ZNF329: variants seen among roughly 807,000 people sequenced by gnomAD.
ZNF329 encodes the protein zinc finger protein 329.
A neutral mutation model predicts 26.6 loss-of-function variants in ZNF329; 15 were observed. That is an observed-to-expected ratio of 0.56 (90% CI 0.38 to 0.87). ZNF329 has a LOEUF of 0.87. Among genes scored for constraint, ZNF329 ranks in the 40% least tolerant of loss-of-function variants. The probability of loss-of-function intolerance (pLI) is 0.00; values close to 1 mark genes in which losing one functional copy is unlikely to be tolerated. For synonymous variants in ZNF329, 239 were observed against 233.5 expected, an observed-to-expected ratio of 1.02 and a Z score of -0.21; for missense variants, 651 against 651.9, an observed-to-expected ratio of 1.00 and a Z score of 0.02.
Position 58,142,532 on chromosome 19 carries a change from T to C in ZNF329, c.-9+25A>G, listed in dbSNP as rs547538247. On this transcript the variant is annotated intron_variant, in intron 3 of 3. Transcript: ENST00000598312. ...CTTGCAGGGATGTGCTGAGCTCATG[T>C]AGACTTCCATTCCCTGGTACTCACC... 3.3e-5 allele frequency: 5 copies of C among 152,772 alleles called. No homozygotes were observed. The South Asian group carries it at 6.2e-4, about 19-fold the overall frequency. 9.5% of individuals were successfully genotyped at this position (152,772 alleles called of 1,614,324 possible).
chr19:58,140,739 G>T (rs2075167004), intron 3 of ZNF329, among the ~76,000 whole-genome samples: 1 of 151,872 alleles, frequency 6.6e-6, no homozygotes, highest in Non-Finnish European at 1.5e-5. Flanking sequence ...AAGAGACAGG[G>T]TCTCACTCTC....
At chr19:58,142,251 T>C (rs1428146880) in intron 3 of ZNF329, among the ~76,000 whole-genome samples, 2 of 152,154 alleles carry the variant, frequency 1.3e-5, no homozygotes, top group Non-Finnish European at 2.9e-5. Flanking sequence ...CTGCTAATGG[T>C]ATGGGTTTTC....
chr19:58,144,333 C>T (rs569072373), intron 1 of ZNF329, among the ~76,000 whole-genome samples: 13 of 144,876 alleles, frequency 9.0e-5, no homozygotes, highest in South Asian at 2.1e-4. Flanking sequence ...TGCCACCACA[C>T]GCAGCTAATT....
At chr19:58,153,161 G>C (rs1490301616), upstream of ZNF329, among the ~76,000 whole-genome samples, 2 of 152,106 alleles carry the variant, frequency 1.3e-5, no homozygotes, top group Admixed American at 1.3e-4. Context: ...CCAGGCTGGA[G>C]TGCAGTGACA....
At chr19:58,140,706 G>A (rs2075166105) in intron 3 of ZNF329, among the ~76,000 whole-genome samples, 1 of 151,226 alleles carries the variant, frequency 6.6e-6, no homozygotes, top group East Asian at 2.0e-4. Flanking sequence ...TGACCACCGC[G>A]CCCAGCCCTT....
In ZNF329 at chr19:58,127,137, T is replaced by A. The variant is rs1225119562; in HGVS notation, c.*741A>T. The A allele has an allele frequency of 1.3e-5, 2 of 152,216 alleles. No homozygotes were observed. Among genetic ancestry groups the A allele is most frequent in the African/African-American group, 4.8e-5 (2 of 41,444 alleles). The allele number at this position is 152,216 out of a possible 1,614,324, so 9.4% of individuals were successfully genotyped here. On this transcript the variant is annotated 3_prime_UTR_variant, in exon 4 of 4. Transcript: ENST00000598312. ...GTACAGCACTGTGTGGACTCTCTCA[T>A]TGTACACCTTTGTTGTTACAGAAAA...
chr19:58,129,166 C>G lies in ZNF329; in HGVS notation c.338G>C (p.Ser113Thr). 1 of 1,614,174 alleles carries G rather than the reference C, an allele frequency of 6.2e-7. No homozygotes were observed. Among genetic ancestry groups the G allele is most frequent in the Non-Finnish European group, 8.5e-7 (1 of 1,180,038 alleles). The change falls in exon 4 of 4, where the codon AGT becomes ACT. Residue 113 changes from serine (S) to threonine (T), a missense_variant. Coordinates refer to ENST00000598312, the MANE Select transcript of ZNF329 (RefSeq NM_024620.4). ...CDPALPSYPK[S>T]YADKRTGDSD... ...GTCACCAGTTCTCTTATCTGCATAA[C>G]TTTTAGGATAGCTGGGTAAGGCGGG... is the stretch of plus-strand genomic sequence containing the variant.
At chr19:58,139,914 A>C (rs889314470) in intron 3 of ZNF329, among the ~76,000 whole-genome samples, 7 of 152,336 alleles carry the variant, frequency 4.6e-5, no homozygotes, top group Admixed American at 4.6e-4. Flanking sequence ...GAAAAACTGG[A>C]AACTTTTCAC....
chr19:58,140,883 T>C (rs1032745464), intron 3 of ZNF329, among the ~76,000 whole-genome samples: 6 of 150,730 alleles, frequency 4.0e-5, no homozygotes, highest in Non-Finnish European at 8.9e-5. Context: ...AATTTTTTTT[T>C]TTTTTTTGAG....
At chr19:58,132,043 G>GA in intron 3 of ZNF329, among the ~76,000 whole-genome samples, 1 of 147,924 alleles carries the variant, frequency 6.8e-6, no homozygotes, top group East Asian at 2.0e-4. Flanking sequence ...AAAAAAGAAA[G>GA]AAAAAAAAGA....
intron 1 of ZNF329, among the ~76,000 whole-genome samples, chr19:58,149,854 T>C (rs1307917322): frequency 6.6e-6 from 1 of 152,132 alleles, no homozygotes; most frequent in East Asian, 1.9e-4. Flanking sequence ...GCTCAAAAAA[T>C]TTAAAAAAGC....
intron 1 of ZNF329, among the ~76,000 whole-genome samples, chr19:58,148,132 C>T (rs902088802): frequency 6.6e-6 from 1 of 151,786 alleles, no homozygotes; most frequent in Non-Finnish European, 1.5e-5. Context: ...TGTGTCCACT[C>T]AGGGTTAAAT....
In ZNF329 at chr19:58,128,979, A is replaced by G; in HGVS notation, c.525T>C (p.Tyr175=). Reference sequence around the variant, plus strand: ...AGATGTTCTCAAAATTCTTACCTTCATACGATTTCTTGCCTCTTTTCATTA... The same window carrying G: ...AGATGTTCTCAAAATTCTTACCTTCGTACGATTTCTTGCCTCTTTTCATTA... ...QKIMKRGKKS[Y]EGKNFENIFT... Residue 175 remains tyrosine, a synonymous_variant, in exon 4 of 4, where the codon TAT becomes TAC. Coordinates refer to ENST00000598312, the MANE Select transcript of ZNF329 (RefSeq NM_024620.4). 1.2e-6 allele frequency: 2 copies of G among 1,613,248 alleles called. No homozygotes were observed. Among genetic ancestry groups the G allele is most frequent in the Non-Finnish European group, 1.7e-6 (2 of 1,179,652 alleles).
At chr19:58,145,236 A>G (rs936646243) in intron 1 of ZNF329, among the ~76,000 whole-genome samples, 2 of 150,032 alleles carry the variant, frequency 1.3e-5, no homozygotes, top group Non-Finnish European at 3.0e-5. Context: ...GTGATCCTCC[A>G]GCCTCAGATT....
chr19:58,131,523 T>A (rs2074943497), intron 3 of ZNF329, among the ~76,000 whole-genome samples: 1 of 152,124 alleles, frequency 6.6e-6, no homozygotes, highest in African/African-American at 2.4e-5. Context: ...AAAATGCAAG[T>A]GGCAGATAGG....
At chr19:58,147,326 T>A (rs890393719) in intron 1 of ZNF329, among the ~76,000 whole-genome samples, 4 of 148,658 alleles carry the variant, frequency 2.7e-5, no homozygotes, top group Admixed American at 2.0e-4. Flanking sequence ...AGCCGCCCCG[T>A]CTGAGAAGTG....
chr19:58,128,318 C>T lies in ZNF329; in HGVS notation c.1186G>A (p.Glu396Lys). The T allele has an allele frequency of 1.9e-6, 3 of 1,614,012 alleles. No individual in the cohort carries two copies. Among genetic ancestry groups the T allele is most frequent in the Middle Eastern group, 1.7e-4 (1 of 6,060 alleles). ...CATTCTTTACATTCATAGGGTTTCT[C>T]CCCAGAATGGATCTTTTGATGCACA... Reference protein sequence around the residue: ...LIVHQKIHSGEKPYECKECGK... With the variant: ...LIVHQKIHSGKKPYECKECGK... The change falls in exon 4 of 4, where the codon GAG becomes AAG. Residue 396 changes from glutamate to lysine, a missense_variant. Coordinates refer to ENST00000598312, the MANE Select transcript of ZNF329 (RefSeq NM_024620.4).
At chr19:58,145,759 A>T (rs2075294045) in intron 1 of ZNF329, among the ~76,000 whole-genome samples, 1 of 152,196 alleles carries the variant, frequency 6.6e-6, no homozygotes, top group Non-Finnish European at 1.5e-5. Flanking sequence ...ATGGCTTATC[A>T]ATTACAGAGG....
At chr19:58,145,755 TATCA>T (rs2075293998) in intron 1 of ZNF329, among the ~76,000 whole-genome samples, 1 of 152,002 alleles carries the variant, frequency 6.6e-6, no homozygotes, top group South Asian at 2.1e-4. Context: ...TAGAATGGCT[TATCA>T]ATTACAGAGG....
Sources: allele counts gnomAD v4.1 joint callset (sites outside exome capture counted in the v4.1 genomes callset), GRCh38; gene constraint gnomAD v4.1.1; transcripts MANE v1.5; gene names NCBI Gene and HGNC (gene_info 2026-07-23, HGNC 2026-07-21).